SRRM4: variants seen among roughly 807,000 people sequenced by gnomAD.
The protein encoded by SRRM4 is serine/arginine repetitive matrix protein 4.
Under a neutral mutation model 68.9 loss-of-function variants are expected in SRRM4, and 33 were observed. The ratio of observed to expected loss-of-function variants is 0.48; its 90% CI spans 0.36 to 0.64. The LOEUF (loss-of-function observed/expected upper bound fraction) is 0.64. SRRM4 is among the 30% of genes least tolerant of loss of function. SRRM4 has a pLI of 0.00. For synonymous variants in SRRM4, 318 were observed against 318.8 expected, an observed-to-expected ratio of 1.00 and a Z score of 0.03; for missense variants, 817 against 827.1, an observed-to-expected ratio of 0.99 and a Z score of 0.15.
rs1311536695 is a variant in SRRM4, at chr12:119,158,711, G to C, written c.*1913G>C. 6.6e-6 allele frequency: 1 copy of C among 152,596 alleles called. No homozygotes were observed. Among genetic ancestry groups the C allele is most frequent in the Admixed American group, 6.5e-5 (1 of 15,290 alleles). 9.5% of individuals were successfully genotyped at this position (152,596 alleles called of 1,614,324 possible). A position where few individuals can be genotyped will look rare whatever the true frequency, so the allele number is the denominator to read the frequency against. Reference sequence around the variant, plus strand: ...ACCCTCGTCCCTGCCCAGGAACCCAGACTGGACTTCAGTCTCCCTCCATGG... The same window carrying C: ...ACCCTCGTCCCTGCCCAGGAACCCACACTGGACTTCAGTCTCCCTCCATGG... On this transcript the variant is annotated 3_prime_UTR_variant, in exon 13 of 13. Transcript: ENST00000267260.
intron 1 of SRRM4, among the ~76,000 whole-genome samples, chr12:119,052,794 G>A (rs1250113386): frequency 6.6e-6 from 1 of 152,200 alleles, no homozygotes; most frequent in African/African-American, 2.4e-5. Flanking sequence ...CTCCCAAAGT[G>A]CTGGGATTAC....
chr12:119,058,846 G>C (rs1004347995), intron 1 of SRRM4, among the ~76,000 whole-genome samples: 1 of 151,992 alleles, frequency 6.6e-6, no homozygotes, highest in Admixed American at 6.5e-5. Context: ...TCCCTCTAAG[G>C]CTTCCCCTGC....
intron 1 of SRRM4, among the ~76,000 whole-genome samples, chr12:119,055,294 G>T (rs1320529057): frequency 6.6e-6 from 1 of 152,136 alleles, no homozygotes; most frequent in African/African-American, 2.4e-5. Flanking sequence ...AGTGTCTTCA[G>T]TTGCTACATG....
intron 4 of SRRM4, 144 bp from the exon 5 acceptor site, chr12:119,120,106 T>C (rs1592905725): frequency 2.4e-5 from 12 of 496,782 alleles, no homozygotes; most frequent in Non-Finnish European, 3.3e-5. Flanking sequence ...TTCCCCTCCC[T>C]CCCTTCCTTC....
intron 1 of SRRM4, among the ~76,000 whole-genome samples, chr12:119,084,334 G>A (rs1423495910): frequency 6.6e-6 from 1 of 152,192 alleles, no homozygotes; most frequent in African/African-American, 2.4e-5. Flanking sequence ...GGGAAGGCAG[G>A]CAAACAACTG....
intron 1 of SRRM4, among the ~76,000 whole-genome samples, chr12:119,099,032 T>C (rs1351715135): frequency 6.6e-6 from 1 of 152,104 alleles, no homozygotes; most frequent in Non-Finnish European, 1.5e-5. Context: ...AAGACTCTTC[T>C]CCCATCTCAG....
intron 1 of SRRM4, among the ~76,000 whole-genome samples, chr12:119,083,050 C>G (rs575722349): frequency 6.6e-6 from 1 of 152,032 alleles, no homozygotes; most frequent in Non-Finnish European, 1.5e-5. Context: ...CAATTCAGGA[C>G]CCCCCTTGTG....
chr12:119,079,894 T>TTG (rs890127752), intron 1 of SRRM4, among the ~76,000 whole-genome samples: 12 of 151,562 alleles, frequency 7.9e-5, no homozygotes, highest in African/African-American at 1.9e-4. Flanking sequence ...TCTGAAGTTT[T>TTG]TTTTTTCAGC....
chr12:119,141,394 A>G (rs1043929550), intron 8 of SRRM4, among the ~76,000 whole-genome samples: 3 of 152,244 alleles, frequency 2.0e-5, no homozygotes, highest in African/African-American at 7.2e-5. Context: ...TACATCTATT[A>G]TATATCAATA....
intron 3 of SRRM4, among the ~76,000 whole-genome samples, chr12:119,114,790 G>A (rs983742228): frequency 2.0e-5 from 3 of 146,864 alleles, no homozygotes; most frequent in East Asian, 2.2e-4. Context: ...TCAGCCTCCC[G>A]AGTAGCTGTG....
At chr12:119,130,918 G>A (rs1185977697) in intron 8 of SRRM4, 84 bp downstream of exon 8, 4 of 1,330,160 alleles carry the variant, frequency 3.0e-6, no homozygotes, top group Non-Finnish European at 4.0e-6. Flanking sequence ...GCAGTGTATG[G>A]TACACTTTAA....
chr12:119,002,431 C>G (rs1385176257), intron 1 of SRRM4, among the ~76,000 whole-genome samples: 2 of 152,056 alleles, frequency 1.3e-5, no homozygotes, highest in Non-Finnish European at 2.9e-5. Flanking sequence ...ACTCAAGGAA[C>G]AGAGTGAGGG....
intron 1 of SRRM4, among the ~76,000 whole-genome samples, chr12:118,995,964 C>A (rs1472771451): frequency 6.6e-6 from 1 of 152,168 alleles, no homozygotes; most frequent in Admixed American, 6.5e-5. Context: ...TTTCTCTATT[C>A]ATCCATTCTA....
At position 119,158,109 on chromosome 12, in the gene SRRM4, A is replaced by G. The variant is rs1954485644; in HGVS notation, c.*1311A>G. 6.5e-6 allele frequency: 1 copy of G among 152,678 alleles called. No individual in the cohort carries two copies. Among genetic ancestry groups the G allele is most frequent in the Non-Finnish European group, 1.5e-5 (1 of 68,114 alleles). 9.5% of individuals were successfully genotyped at this position (152,678 alleles called of 1,614,324 possible). On this transcript the variant is annotated 3_prime_UTR_variant, in exon 13 of 13. Transcript: ENST00000267260. ...GTAAGCTGATCTCCGATCCACAAATACCACCAGCTGCTTCATCCACAGAAG... is the reference window on the plus strand; with the variant it reads ...GTAAGCTGATCTCCGATCCACAAATGCCACCAGCTGCTTCATCCACAGAAG...
intron 1 of SRRM4, among the ~76,000 whole-genome samples, chr12:118,986,573 G>A (rs1953283511): frequency 1.3e-5 from 2 of 152,148 alleles, no homozygotes; most frequent in Non-Finnish European, 2.9e-5. Flanking sequence ...AGACGCTGAG[G>A]CTTCTGATCA....
intron 1 of SRRM4, among the ~76,000 whole-genome samples, chr12:119,075,899 G>A (rs1337137314): frequency 9.8e-5 from 3 of 30,606 alleles, no homozygotes; most frequent in Non-Finnish European, 2.2e-4. Context: ...GATGATGGTA[G>A]CGATGATGGT....
intron 8 of SRRM4, among the ~76,000 whole-genome samples, chr12:119,143,652 C>A (rs180727295): frequency 6.6e-6 from 1 of 152,204 alleles, no homozygotes; most frequent in Non-Finnish European, 1.5e-5. Flanking sequence ...GACCCCTCAG[C>A]CTGAACATCC....
chr12:119,031,454 G>C (rs757436453), intron 1 of SRRM4: 4 of 152,210 alleles, frequency 2.6e-5, no homozygotes, highest in African/African-American at 4.8e-5. Flanking sequence ...CCACACTCAA[G>C]AGGAGGGGAT....
chr12:118,987,801 G>A (rs1323923507), intron 1 of SRRM4, among the ~76,000 whole-genome samples: 2 of 152,224 alleles, frequency 1.3e-5, no homozygotes, highest in East Asian at 3.8e-4. Flanking sequence ...GGAGAAAAAA[G>A]TTGAATGTCC....
Sources: gnomAD v4.1 joint callset for allele counts (sites outside exome capture counted in the v4.1 genomes callset) on GRCh38, gnomAD v4.1.1 for gene constraint, MANE v1.5 for transcripts, NCBI Gene and HGNC (gene_info 2026-07-23, HGNC 2026-07-21) for gene names.